MGAT5: variants seen among roughly 807,000 people sequenced by gnomAD.
The protein encoded by MGAT5 is alpha-1,6-mannosylglycoprotein 6-beta-N-acetylglucosaminyltransferase A.
MGAT5 carries 30 observed loss-of-function variants against 94.3 expected under a neutral mutation model. That is an observed-to-expected ratio of 0.32 (90% CI 0.24 to 0.43). The LOEUF (loss-of-function observed/expected upper bound fraction) is 0.43, where lower values mean the gene tolerates loss of function less well. Ranked by LOEUF, MGAT5 falls within the 20% of genes least tolerant of loss-of-function variation. The pLI, the probability that MGAT5 is intolerant of heterozygous loss-of-function variation, is 1.00. For synonymous variants in MGAT5, 310 were observed against 322.9 expected (o/e 0.96, Z 0.43); for missense variants, 691 against 905.5 (o/e 0.76, Z 3.04).
chr2:134,387,332 A>ATATATATAT, intron 10 of MGAT5, among the ~76,000 whole-genome samples: 12 of 24,262 alleles, frequency 4.9e-4, no homozygotes, highest in South Asian at 3.4e-3. Flanking sequence ...ATATATATAT[A>ATATATATAT]TTTTTTTTTT....
chr2:134,381,330 CATAGATAGATAG>C (rs10637591), intron 10 of MGAT5, among the ~76,000 whole-genome samples: 7 of 67,810 alleles, frequency 1.0e-4, no homozygotes, highest in East Asian at 8.6e-4. Context: ...AGACCTGTCT[CATAGATAGATAG>C]ATAGATAGAT....
chr2:134,305,425 T>C (rs984932262), intron 2 of MGAT5, among the ~76,000 whole-genome samples: 1 of 152,206 alleles, frequency 6.6e-6, no homozygotes, highest in Non-Finnish European at 1.5e-5. Context: ...AGCACACACC[T>C]ATTTTGGGCA....
At chr2:134,444,719 T>C (rs1685675525) in intron 15 of MGAT5, among the ~76,000 whole-genome samples, 1 of 152,266 alleles carries the variant, frequency 6.6e-6, no homozygotes, top group Non-Finnish European at 1.5e-5. Flanking sequence ...AAGAACCACC[T>C]GTCCTCACTC....
intron 1 of MGAT5, among the ~76,000 whole-genome samples, chr2:134,221,812 C>T (rs958281390): frequency 2.6e-5 from 4 of 152,052 alleles, no homozygotes; most frequent in East Asian, 3.8e-4. Context: ...TTGTAAGGTC[C>T]GGTTTGAGGA....
chr2:134,367,514 G>T (rs1334932295), intron 10 of MGAT5, among the ~76,000 whole-genome samples: 2 of 152,214 alleles, frequency 1.3e-5, no homozygotes, highest in Non-Finnish European at 2.9e-5. Context: ...GATAATTGTG[G>T]CAGACTGTGT....
chr2:134,342,920 C>T (rs1427580114), intron 7 of MGAT5, among the ~76,000 whole-genome samples: 2 of 152,022 alleles, frequency 1.3e-5, no homozygotes, highest in Non-Finnish European at 2.9e-5. Flanking sequence ...AATTCCAATT[C>T]TATTGGTGCT....
chr2:134,271,517 T>C (rs1684025400), intron 2 of MGAT5, among the ~76,000 whole-genome samples: 1 of 152,192 alleles, frequency 6.6e-6, no homozygotes, highest in Non-Finnish European at 1.5e-5. Flanking sequence ...TTTAAGCTTA[T>C]TTTCCTTTCC....
chr2:134,317,983 C>G (rs1687095300), intron 3 of MGAT5, among the ~76,000 whole-genome samples: 1 of 152,236 alleles, frequency 6.6e-6, no homozygotes, highest in African/African-American at 2.4e-5. Context: ...CCCCAGGCTC[C>G]TGCTCTGAAG....
chr2:134,264,191 T>G (rs534577868), intron 1 of MGAT5, among the ~76,000 whole-genome samples: 1 of 152,152 alleles, frequency 6.6e-6, no homozygotes, highest in South Asian at 2.1e-4. Context: ...CCCAGTTAAT[T>G]TTGTATTTTT....
In MGAT5 at chr2:134,203,690, CAA is replaced by C. The variant is rs66666156; in HGVS notation, c.-142-50571_-142-50570del. 9.9e-3 allele frequency among the ~76,000 whole-genome samples: 1,508 copies of C among 151,944 alleles called. 25 individuals are homozygous for C. The highest frequency in any genetic ancestry group is 0.035 in the African/African-American group (1,453 of 41,408). The stretch of plus-strand genomic sequence containing the variant: ...AGCCACGTTGTGACTCTTGGGGGCC[CAA>C]GACTGGGTTTAGTAGACCTCTTCCT... On this transcript the variant is annotated intron_variant, in intron 1 of 16. Transcript: ENST00000409645.
chr2:134,389,695 C>G (rs1443533845), intron 10 of MGAT5, among the ~76,000 whole-genome samples: 1 of 152,146 alleles, frequency 6.6e-6, no homozygotes, highest in Non-Finnish European at 1.5e-5. Flanking sequence ...CAGGTTATGG[C>G]AAGCTGGTCC....
intron 4 of MGAT5, chr2:134,319,563 G>C (rs1211033314): frequency 5.9e-6 from 1 of 169,748 alleles, no homozygotes; most frequent in Non-Finnish European, 1.3e-5. Context: ...TTGCACAGTG[G>C]GAGTGATGGG....
At chr2:134,159,611 A>T (rs1687639441) in intron 1 of MGAT5, among the ~76,000 whole-genome samples, 1 of 152,098 alleles carries the variant, frequency 6.6e-6, no homozygotes, top group Non-Finnish European at 1.5e-5. Context: ...GGCTTTTGGG[A>T]GGCTGAGGCA....
chr2:134,232,372 G>A (rs189882915), intron 1 of MGAT5, among the ~76,000 whole-genome samples: 2 of 152,186 alleles, frequency 1.3e-5, no homozygotes, highest in Admixed American at 1.3e-4. Context: ...CAACAGGGGA[G>A]GAGTTTCAGA....
intron 1 of MGAT5, among the ~76,000 whole-genome samples, chr2:134,129,863 C>T (rs986809932): frequency 1.3e-5 from 2 of 152,182 alleles, no homozygotes; most frequent in Non-Finnish European, 2.9e-5. Context: ...CCCTTCAGCC[C>T]GCCGCTGCAC....
intron 1 of MGAT5, among the ~76,000 whole-genome samples, chr2:134,165,619 C>CA (rs1355764959): frequency 3.3e-5 from 5 of 152,016 alleles, no homozygotes; most frequent in African/African-American, 1.2e-4. Context: ...CCTAAAAATA[C>CA]AAAAAATTAG....
At chr2:134,303,128 G>A (rs987196621) in intron 2 of MGAT5, among the ~76,000 whole-genome samples, 2 of 152,108 alleles carry the variant, frequency 1.3e-5, no homozygotes, top group Non-Finnish European at 2.9e-5. Context: ...AGTCTTGAAT[G>A]TCTCTGTTTT....
chr2:134,203,453 G>A (rs1477749197), intron 1 of MGAT5, among the ~76,000 whole-genome samples: 1 of 152,098 alleles, frequency 6.6e-6, no homozygotes, highest in Non-Finnish European at 1.5e-5. Context: ...GTGAGGCTTG[G>A]TAAGGAACAT....
At chr2:134,183,311 CGTT>C (rs1344557368) in intron 1 of MGAT5, among the ~76,000 whole-genome samples, 1 of 152,120 alleles carries the variant, frequency 6.6e-6, no homozygotes, top group African/African-American at 2.4e-5. Flanking sequence ...TTACGTCACT[CGTT>C]GGGCTTTAGA....
Sources: allele counts gnomAD v4.1 joint callset (sites outside exome capture counted in the v4.1 genomes callset), GRCh38; gene constraint gnomAD v4.1.1; transcripts MANE v1.5; gene names NCBI Gene and HGNC (gene_info 2026-07-23, HGNC 2026-07-21).